The following EXTL1 variants were observed in gnomAD, a reference collection of about 807,000 sequenced individuals.
EXTL1 encodes exostosin-like 1.
In EXTL1, 43 loss-of-function variants were observed where a neutral mutation model predicts 64.6. That is an observed-to-expected ratio of 0.67 (90% CI 0.52 to 0.86). EXTL1 has a LOEUF of 0.86. Among genes scored for constraint, EXTL1 ranks in the 40% least tolerant of loss-of-function variants. The pLI is 0.00. For synonymous variants in EXTL1, 352 were observed against 360.5 expected (o/e 0.98, Z 0.27); for missense variants, 766 against 879.0 (o/e 0.87, Z 1.62).
In EXTL1 at chr1:26,033,384, AG is replaced by A. The variant is rs992420292; in HGVS notation, c.1518+71del. The A allele has an allele frequency of 7.2e-7, 1 of 1,387,326 alleles. No homozygotes were observed. Among genetic ancestry groups the A allele is most frequent in the Non-Finnish European group, 1.0e-6 (1 of 975,572 alleles). The allele number at this position is 1,387,326 out of a possible 1,614,324, so 85.9% of individuals were successfully genotyped here. The stretch of plus-strand genomic sequence containing the variant: ...AGCCAGAGGGCCCTGGCAGCCCCTC[AG>A]GTTCCCAGGGTTGAGGGGACCCCAG... On this transcript the variant is annotated intron_variant, in intron 8 of 10. Transcript: ENST00000374280. The surrounding 1 kb of genome is among the most constrained non-coding windows in gnomAD (Gnocchi z 5.1).
chr1:26,024,273 G>A (rs1405542010), intron 1 of EXTL1, among the ~76,000 whole-genome samples: 3 of 152,116 alleles, frequency 2.0e-5, no homozygotes, highest in African/African-American at 7.2e-5. Context: ...AGGCTAGCTG[G>A]GCAGGCAAGA....
chr1:26,028,479 AT>A (rs2050242017), intron 1 of EXTL1, among the ~76,000 whole-genome samples: 1 of 151,934 alleles, frequency 6.6e-6, no homozygotes, highest in African/African-American at 2.4e-5. Context: ...CCCTCCCTTT[AT>A]CCCTCCCCTG....
intron 5 of EXTL1, 47 bp from the exon 6 acceptor site, chr1:26,031,413 G>C (rs760108824): frequency 2.2e-6 from 3 of 1,370,228 alleles, no homozygotes; most frequent in Non-Finnish European, 3.0e-6. Context: ...ATTCTTCATG[G>C]GGTTCTGTTC....
At chr1:26,029,447 G>A (rs1161526300) in intron 2 of EXTL1, among the ~76,000 whole-genome samples, 153 bp from the exon 3 acceptor site, 1 of 152,122 alleles carries the variant, frequency 6.6e-6, no homozygotes. Flanking sequence ...ACCCTCTGCA[G>A]AACAACCATA....
At chr1:26,027,708 A>AT (rs2050233998) in intron 1 of EXTL1, among the ~76,000 whole-genome samples, 2 of 150,700 alleles carry the variant, frequency 1.3e-5, no homozygotes, top group Admixed American at 1.3e-4. Context: ...AAAAAAAAAA[A>AT]GCCAGCACGT....
rs914512834 is a variant in EXTL1, at chr1:26,035,549, G to C, written c.*202G>C. 1.3e-5 allele frequency: 6 copies of C among 467,812 alleles called. No individual in the cohort carries two copies. Among genetic ancestry groups the C allele is most frequent in the Non-Finnish European group, 2.3e-5 (6 of 264,784 alleles). 29.0% of individuals were successfully genotyped at this position (467,812 alleles called of 1,614,324 possible). ...GCTCGCCCTCAGCCGCGGAGCCTCT[G>C]CGGAGGCTGAGCCCCGCGACCGGAG... is the stretch of plus-strand genomic sequence containing the variant. On this transcript the variant is annotated 3_prime_UTR_variant, in exon 11 of 11. Coordinates refer to ENST00000374280, the MANE Select transcript of EXTL1 (RefSeq NM_004455.3). This position sits in a 1 kb window ranked among gnomAD's most constrained non-coding sequence, Gnocchi z 5.3.
chr1:26,029,475 A>C, intron 2 of EXTL1, 125 bp from the exon 3 acceptor site: 1 of 708,764 alleles, frequency 1.4e-6, no homozygotes, highest in Non-Finnish European at 2.5e-6. Flanking sequence ...CTCCCTGAAA[A>C]ATCCCATGTT....
chr1:26,030,716 G>T (rs994513065), intron 4 of EXTL1, 121 bp downstream of exon 4: 9 of 1,131,272 alleles, frequency 8.0e-6, no homozygotes, highest in Middle Eastern at 2.6e-4. Flanking sequence ...AGATGGTCCT[G>T]GGATGAATCT....
Position 26,033,573 on chromosome 1 carries a change from C to G in EXTL1, c.1519-123C>G. On this transcript the variant is annotated intron_variant, in intron 8 of 10. Coordinates refer to ENST00000374280, the MANE Select transcript of EXTL1 (RefSeq NM_004455.3). The surrounding 1 kb of genome is among the most constrained non-coding windows in gnomAD (Gnocchi z 5.1). ...TTCCAGCCAATTCCAAGTCTTGGCT[C>G]CCGCGCCCTCTCCCCTGAGTCCTGC... 1.0e-6 allele frequency: 1 copy of G among 991,930 alleles called. No homozygotes were observed. Among genetic ancestry groups the G allele is most frequent in the Non-Finnish European group, 1.5e-6 (1 of 651,510 alleles). The allele number at this position is 991,930 out of a possible 1,614,324, so 61.4% of individuals were successfully genotyped here.
At chr1:26,027,693 A>AAAAG (rs1553141859) in intron 1 of EXTL1, among the ~76,000 whole-genome samples, 5 of 131,458 alleles carry the variant, frequency 3.8e-5, no homozygotes, top group African/African-American at 1.5e-4. Flanking sequence ...CATCTCTAAA[A>AAAAG]AAAAAAAAAA....
chr1:26,030,499 G>A lies in EXTL1; in HGVS notation c.1005G>A (p.Met335Ile), dbSNP rs771620869. The A allele has an allele frequency of 1.9e-6, 3 of 1,612,288 alleles. No individual in the cohort carries two copies. Among genetic ancestry groups the A allele is most frequent in the East Asian group, 2.2e-5 (1 of 44,854 alleles). Residue 335 changes from methionine (M) to isoleucine (I), a missense_variant, in exon 4 of 11, where the codon ATG becomes ATA. By Grantham distance (10) the Met-to-Ile change is conservative. This residue lies in a region of EXTL1 where 571 missense variants were observed against 647.6 expected (regional missense o/e 0.88). Transcript: ENST00000374280. The stretch of plus-strand genomic sequence containing the variant: ...AGGTCCTGGCTGCCCTCCAGGAGAT[G>A]TCCCCTGCACGGGTCCTCGCCCTGC... ...PLQVLAALQE[M>I]SPARVLALRQ...
Position 26,023,311 on chromosome 1 carries a change from C to G in EXTL1, c.665C>G (p.Pro222Arg), listed in dbSNP as rs2050176406. 6.4e-7 allele frequency: 1 copy of G among 1,552,100 alleles called. No individual in the cohort carries two copies. Among genetic ancestry groups the G allele is most frequent in the Non-Finnish European group, 8.7e-7 (1 of 1,146,734 alleles). The change falls in exon 1 of 11, where the codon CCC becomes CGC. Residue 222 changes from proline (P) to arginine (R), a missense_variant. Pro to Arg is a moderately radical substitution (Grantham distance 103). This residue lies in a region of EXTL1 where 571 missense variants were observed against 647.6 expected (regional missense o/e 0.88). Coordinates refer to ENST00000374280, the MANE Select transcript of EXTL1 (RefSeq NM_004455.3). ...CAGCTGCGGCAACACAGCCCCCAGC[C>G]CGGGGTAGCCCTGCTAGCCCTGGAA... ...PGQLRQHSPQ[P>R]GVALLALEEE...
In EXTL1 at chr1:26,023,264, G is replaced by A. The variant is rs768099208; in HGVS notation, c.618G>A (p.Pro206=). The A allele has an allele frequency of 1.6e-5, 25 of 1,586,262 alleles. No homozygotes were observed. The highest frequency in any genetic ancestry group is 3.4e-5 in the South Asian group (3 of 87,918). ...TCCCTTTTCTCCCTGAAGCCCACCC[G>A]TTGCGAGGTGGGGCTCCTGGCCAGC... ...VALPFLPEAH[P]LRGGAPGQLR... Residue 206 remains proline, a synonymous_variant, in exon 1 of 11, where the codon CCG becomes CCA. Transcript: ENST00000374280.
In EXTL1 at chr1:26,023,405, G is replaced by GCAAGAC. The variant is rs1279065490; in HGVS notation, c.761_766dup (p.Gln254_Asp255dup). ...CCTGCCCCTGGGATGGGCGCTGTGA[G>GCAAGAC]CAAGACCCTGGACCTGGGCAGTAAG... On this transcript the variant is annotated inframe_insertion, in exon 1 of 11. Transcript: ENST00000374280. 14 of 1,450,644 alleles carry GCAAGAC rather than the reference G, an allele frequency of 9.7e-6. No individual in the cohort carries two copies. Among genetic ancestry groups the GCAAGAC allele is most frequent in the African/African-American group, 1.4e-5 (1 of 69,720 alleles). 89.9% of individuals were successfully genotyped at this position (1,450,644 alleles called of 1,614,324 possible). A position where few individuals can be genotyped will look rare whatever the true frequency, so the allele number is the denominator to read the frequency against.
rs532688156 is a variant in EXTL1, at chr1:26,032,239, G to A, written c.1342-157G>A. The A allele has an allele frequency of 1.6e-3, 898 of 571,376 alleles. 11 individuals are homozygous for A. In the South Asian group the frequency reaches 0.018, roughly 11 times the overall value. 35.4% of individuals were successfully genotyped at this position (571,376 alleles called of 1,614,324 possible). Reference sequence around the variant, plus strand: ...GCCCAGAGGCAAGGACAGAGCAGCGGTGAAAGGACCATGGATCCAACTAAC... The same window carrying A: ...GCCCAGAGGCAAGGACAGAGCAGCGATGAAAGGACCATGGATCCAACTAAC... On this transcript the variant is annotated intron_variant, in intron 6 of 10. Transcript: ENST00000374280.
In EXTL1 at chr1:26,033,854, T is replaced by C. The variant is rs770844167; in HGVS notation, c.1677T>C (p.His559=). Residue 559 remains histidine (H), a splice_region_variant and synonymous_variant, in exon 9 of 11, where the codon CAT becomes CAC. Coordinates refer to ENST00000374280, the MANE Select transcript of EXTL1 (RefSeq NM_004455.3). The surrounding 1 kb of genome is among the most constrained non-coding windows in gnomAD (Gnocchi z 5.1). ...TTCTCACCACAGCCGCCTTCTACCATAGGTACAGACCCCTACCCTGCACAG... is the reference window on the plus strand; with the variant it reads ...TTCTCACCACAGCCGCCTTCTACCACAGGTACAGACCCCTACCCTGCACAG... ...SMVLTTAAFY[H]RYYHTLFTHS... is the part of the protein sequence containing the mutation. The C allele has an allele frequency of 1.9e-6, 3 of 1,613,090 alleles. No individual in the cohort carries two copies. Among genetic ancestry groups the C allele is most frequent in the South Asian group, 2.2e-5 (2 of 90,984 alleles).
chr1:26,027,806 A>G (rs375546001), intron 1 of EXTL1, among the ~76,000 whole-genome samples: 3 of 152,094 alleles, frequency 2.0e-5, no homozygotes, highest in African/African-American at 7.2e-5. Context: ...TGATGGCACC[A>G]CTGCACTCCA....
In EXTL1 at chr1:26,035,029, G is replaced by A. The variant is rs772180693; in HGVS notation, c.1848+25G>A. ...GGTGAGGGCTGAGGGGGATTGGTCG[G>A]AACTGGCAGGGATTGGGCGGGGATG... On this transcript the variant is annotated intron_variant, in intron 10 of 10. Transcript: ENST00000374280. The surrounding 1 kb of genome is among the most constrained non-coding windows in gnomAD (Gnocchi z 5.3). 5.6e-6 allele frequency: 9 copies of A among 1,612,304 alleles called. No homozygotes were observed. Among genetic ancestry groups the A allele is most frequent in the East Asian group, 2.2e-5 (1 of 44,828 alleles).
At position 26,030,523 on chromosome 1, in the gene EXTL1, G is replaced by A; in HGVS notation, c.1029G>A (p.Leu343=). 6.2e-7 allele frequency: 1 copy of A among 1,613,532 alleles called. No homozygotes were observed. Among genetic ancestry groups the A allele is most frequent in the Non-Finnish European group, 8.5e-7 (1 of 1,179,936 alleles). ...TGTCCCCTGCACGGGTCCTCGCCCT[G>A]CGTCAGCAGACCCAGTTTCTATGGG... ...QEMSPARVLA[L]RQQTQFLWDA... Residue 343 remains leucine (L), a synonymous_variant, in exon 4 of 11, where the codon CTG becomes CTA. Transcript: ENST00000374280.
Sources: gnomAD v4.1 joint callset for allele counts (sites outside exome capture counted in the v4.1 genomes callset) on GRCh38, gnomAD v4.1.1 for gene constraint, gnomAD v4.1.1 regional missense constraint, Gnocchi (gnomAD v3.1) non-coding constraint, MANE v1.5 for transcripts, NCBI Gene and HGNC (gene_info 2026-07-23, HGNC 2026-07-21) for gene names.